The following BPGM variants were observed in gnomAD, a reference collection of about 807,000 sequenced individuals.
The protein encoded by BPGM is bisphosphoglycerate mutase, also known as 2,3-bisphosphoglycerate mutase, erythrocyte.
Under a neutral mutation model 21.6 loss-of-function variants are expected in BPGM, and 15 were observed. The ratio of observed to expected loss-of-function variants is 0.70; its 90% confidence interval spans 0.47 to 1.07. The LOEUF (loss-of-function observed/expected upper bound fraction) is 1.07. BPGM is among the 50% of genes least tolerant of loss of function. The pLI, the probability that BPGM is intolerant of heterozygous loss-of-function variation, is 0.00. For missense variants in BPGM, 273 were observed against 319.0 expected, an observed-to-expected ratio of 0.86 and a Z score of 1.10; for synonymous variants, 113 against 116.2, an observed-to-expected ratio of 0.97 and a Z score of 0.18.
Position 134,678,855 on chromosome 7 carries a change from ATC to A in BPGM, c.607_608del (p.Ser203ArgfsTer2), listed in dbSNP as rs746598766. ...TCTCTTCCTGTCCTGATCAACAGGT[ATC>A]TCAGATGAAGACATCATCAACATTA... ...SRALLKHLEG[I>X]SDEDIINITL... On this transcript the variant is annotated frameshift_variant, in exon 3 of 3. Coordinates refer to ENST00000344924, the MANE Select transcript of BPGM (RefSeq NM_001724.5). LOFTEE classifies it high-confidence loss of function. 9.3e-6 allele frequency: 15 copies of A among 1,613,502 alleles called. No individual in the cohort carries two copies. The highest frequency in any genetic ancestry group is 1.3e-5 in the Non-Finnish European group (15 of 1,179,390).
chr7:134,662,408 C>T (rs1795750817), intron 2 of BPGM, among the ~76,000 whole-genome samples: 1 of 152,176 alleles, frequency 6.6e-6, no homozygotes, highest in Non-Finnish European at 1.5e-5. Flanking sequence ...GGGGCGCACC[C>T]TGAGAATCTG....
intron 1 of BPGM, among the ~76,000 whole-genome samples, chr7:134,654,729 G>GT (rs952061669): frequency 3.3e-5 from 5 of 151,956 alleles, no homozygotes; most frequent in African/African-American, 9.7e-5. Flanking sequence ...ATCTTAGTGG[G>GT]TTTTTTTTCT....
chr7:134,677,696 A>G (rs889876), intron 2 of BPGM, among the ~76,000 whole-genome samples: 73,936 of 152,096 alleles, frequency 0.49, 18,344 homozygotes, highest in East Asian at 0.69. Context: ...TTCTGTTAAT[A>G]TAGAACAGGA....
rs775334880 is a variant in BPGM at position 134,679,074 on chromosome 7, C to T, written c.*43C>T. The stretch of plus-strand genomic sequence containing the variant: ...CTAAGAAGAAATGCAAAAGAAGTGG[C>T]ATAGGAGTGTGTTATGGGTGCTGAA... On this transcript the variant is annotated 3_prime_UTR_variant, in exon 3 of 3. Coordinates refer to ENST00000344924, the MANE Select transcript of BPGM (RefSeq NM_001724.5). 1.3e-6 allele frequency: 2 copies of T among 1,599,222 alleles called. No homozygotes were observed. The highest frequency in any genetic ancestry group is 2.2e-5 in the East Asian group (1 of 44,780).
intron 2 of BPGM, 35 bp downstream of exon 2, chr7:134,662,143 C>T (rs1246225018): frequency 6.2e-7 from 1 of 1,612,816 alleles, no homozygotes; most frequent in African/African-American, 1.3e-5. Flanking sequence ...TAGAGGTTGC[C>T]AAGTGTGATA....
chr7:134,650,348 G>C (rs1201279665), intron 1 of BPGM, among the ~76,000 whole-genome samples: 1 of 152,186 alleles, frequency 6.6e-6, no homozygotes, highest in African/African-American at 2.4e-5. Flanking sequence ...GCCATGAGTA[G>C]GGATCTGCCT....
rs1211170620 is a variant in BPGM at position 134,648,140 on chromosome 7, T to TG, written c.-62+1203_-62+1204insG. Among the ~76,000 whole-genome samples, 161 of 149,488 alleles carry TG rather than the reference T, an allele frequency of 1.1e-3. 2 individuals are homozygous for TG. The highest frequency in any genetic ancestry group is 9.9e-3 in the Admixed American group (147 of 14,806). ...TTCTTTCTTTTGTTTTGGTTTTTTTTTTGTTTTGTTTTCAGACGGAGTTTC... is the reference window on the plus strand; with the variant it reads ...TTCTTTCTTTTGTTTTGGTTTTTTTTGTTGTTTTGTTTTCAGACGGAGTTTC... On this transcript the variant is annotated intron_variant, in intron 1 of 2. Transcript: ENST00000344924.
chr7:134,662,072 G>C lies in BPGM; in HGVS notation c.565G>C (p.Gly189Arg). Residue 189 changes from glycine (G) to arginine (R), a missense_variant, in exon 2 of 3, where the codon GGA becomes CGA. Transcript: ENST00000344924. ...RGKTILISAHGNSSRALLKHL... is the reference protein window; with the variant it reads ...RGKTILISAHRNSSRALLKHL... Reference sequence around the variant, plus strand: ...CAAAACCATTCTGATATCTGCTCATGGAAATAGCAGTAGGGCACTCCTAAA... The same window carrying C: ...CAAAACCATTCTGATATCTGCTCATCGAAATAGCAGTAGGGCACTCCTAAA... 2 of 1,614,116 alleles carry C rather than the reference G, an allele frequency of 1.2e-6. No individual in the cohort carries two copies. The highest frequency in any genetic ancestry group is 1.7e-6 in the Non-Finnish European group (2 of 1,179,994).
intron 2 of BPGM, among the ~76,000 whole-genome samples, chr7:134,667,153 A>C (rs112768118): frequency 6.6e-6 from 1 of 152,316 alleles, no homozygotes; most frequent in African/African-American, 2.4e-5. Context: ...AATTAAGTGA[A>C]TCTCCCCTAC....
At chr7:134,657,094 T>A (rs925895373) in intron 1 of BPGM, among the ~76,000 whole-genome samples, 1 of 152,168 alleles carries the variant, frequency 6.6e-6, no homozygotes, top group African/African-American at 2.4e-5. Context: ...TCCAAAATGA[T>A]CTCCTTTGAC....
In BPGM at chr7:134,676,625, G is replaced by A. The variant is rs117421121; in HGVS notation, c.602-2228G>A. On this transcript the variant is annotated intron_variant, in intron 2 of 2. Coordinates refer to ENST00000344924, the MANE Select transcript of BPGM (RefSeq NM_001724.5). ...TTAAGAATAAAATACAGGAATGTTGGTGCTAGAGGGACTTATTTTATAAAT... is the reference window on the plus strand; with the variant it reads ...TTAAGAATAAAATACAGGAATGTTGATGCTAGAGGGACTTATTTTATAAAT... Among the ~76,000 whole-genome samples, 410 of 152,246 alleles carry A rather than the reference G, an allele frequency of 2.7e-3. 1 individual carries two copies. Among genetic ancestry groups the A allele is most frequent in the Non-Finnish European group, 3.1e-3 (211 of 68,014 alleles).
chr7:134,657,790 G>GTAAA (rs899653313), intron 1 of BPGM, among the ~76,000 whole-genome samples: 1 of 152,200 alleles, frequency 6.6e-6, no homozygotes, highest in Non-Finnish European at 1.5e-5. Flanking sequence ...AGGGAGGGCT[G>GTAAA]TAAAGGTGGG....
intron 1 of BPGM, among the ~76,000 whole-genome samples, chr7:134,659,372 CGTGT>C (rs66893203): frequency 0.12 from 16,709 of 145,064 alleles, 1,024 homozygotes; most frequent in African/African-American, 0.17. Context: ...CACACCCCTC[CGTGT>C]GTGTGTGTGT....
At chr7:134,662,726 A>G (rs979447364) in intron 2 of BPGM, among the ~76,000 whole-genome samples, 2 of 152,186 alleles carry the variant, frequency 1.3e-5, no homozygotes, top group East Asian at 3.8e-4. Flanking sequence ...ACTGGAAGAA[A>G]GTTAGGGGGA....
At chr7:134,666,668 G>A (rs149217177) in intron 2 of BPGM, among the ~76,000 whole-genome samples, 1 of 152,164 alleles carries the variant, frequency 6.6e-6, no homozygotes, top group East Asian at 1.9e-4. Context: ...AGATGTTGCT[G>A]TAGTTCTCTA....
In BPGM at chr7:134,679,359, T is replaced by G; in HGVS notation, c.*328T>G. 3.1e-6 allele frequency: 1 copy of G among 318,726 alleles called. No individual in the cohort carries two copies. The highest frequency in any genetic ancestry group is 3.7e-5 in the South Asian group (1 of 27,294). 19.7% of individuals were successfully genotyped at this position (318,726 alleles called of 1,614,324 possible). ...TTAAAGGTATTTATCATTCAAGAAA[T>G]CATTATTGAGTCACCATTGACAGGC... On this transcript the variant is annotated 3_prime_UTR_variant, in exon 3 of 3. Coordinates refer to ENST00000344924, the MANE Select transcript of BPGM (RefSeq NM_001724.5).
At chr7:134,669,931 CG>C (rs1323229932) in intron 2 of BPGM, among the ~76,000 whole-genome samples, 1 of 152,126 alleles carries the variant, frequency 6.6e-6, no homozygotes, top group East Asian at 1.9e-4. Context: ...AAAGCACCAC[CG>C]TGAAAACATC....
At chr7:134,649,671 A>C (rs1182760886) in intron 1 of BPGM, among the ~76,000 whole-genome samples, 1 of 152,264 alleles carries the variant, frequency 6.6e-6, no homozygotes, top group East Asian at 1.9e-4. Flanking sequence ...TACTTTGTAA[A>C]ATATAAATTA....
rs762136951 is a variant in BPGM at position 134,661,764 on chromosome 7, G to GT, written c.258dup (p.Leu87SerfsTer3). 59 of 1,614,012 alleles carry GT rather than the reference G, an allele frequency of 3.7e-5. No homozygotes were observed. Among genetic ancestry groups the GT allele is most frequent in the Non-Finnish European group, 4.5e-5 (53 of 1,180,014 alleles). On this transcript the variant is annotated frameshift_variant, in exon 2 of 3. Coordinates refer to ENST00000344924, the MANE Select transcript of BPGM (RefSeq NM_001724.5). LOFTEE classifies it high-confidence loss of function. This position sits in a 1 kb window ranked among gnomAD's most constrained non-coding sequence, Gnocchi z 4.6. ...TGGGTGCCTGTGGAAAGCTCCTGGC[G>GT]TCTAAATGAGCGTCACTATGGGGCC...
Sources: allele counts gnomAD v4.1 joint callset (sites outside exome capture counted in the v4.1 genomes callset), GRCh38; gene constraint gnomAD v4.1.1; non-coding constraint Gnocchi (gnomAD v3.1); transcripts MANE v1.5; gene names NCBI Gene and HGNC (gene_info 2026-07-23, HGNC 2026-07-21).